Variants in UBE2H observed in about 807,000 individuals in gnomAD.
UBE2H encodes the protein ubiquitin conjugating enzyme E2 H, also known as ubiquitin-conjugating enzyme E2 H.
Under a neutral mutation model 29.0 loss-of-function variants are expected in UBE2H, and 3 were observed. That is an observed-to-expected ratio of 0.10 (90% CI 0.05 to 0.27). The LOEUF (loss-of-function observed/expected upper bound fraction) is 0.27. Among genes scored for constraint, UBE2H ranks in the 10% least tolerant of loss-of-function variants. The pLI, the probability that UBE2H is intolerant of heterozygous loss-of-function variation, is 1.00. For missense variants in UBE2H, 68 were observed against 228.2 expected (o/e 0.30, Z 4.52); for synonymous variants, 69 against 82.9 (o/e 0.83, Z 0.91).
chr7:129,928,923 C>T (rs186014072), intron 1 of UBE2H, among the ~76,000 whole-genome samples: 124 of 152,298 alleles, frequency 8.1e-4, no homozygotes, highest in African/African-American at 2.9e-3. Flanking sequence ...GCATTGAAAT[C>T]TAGTTTTCTT....
At position 129,952,776 on chromosome 7, in the gene UBE2H, G is replaced by A. The variant is rs1176113769; in HGVS notation, c.-221C>T. ...GACCCTGCGGCGCCCGGCTCGGGCT[G>A]CCCCTCTCCGGCTGTGGTTCCGCCG... On this transcript the variant is annotated 5_prime_UTR_variant, in exon 1 of 7. Coordinates refer to ENST00000355621, the MANE Select transcript of UBE2H (RefSeq NM_003344.4). 5.7e-6 allele frequency: 2 copies of A among 350,422 alleles called. No individual in the cohort carries two copies. The highest frequency in any genetic ancestry group is 1.0e-5 in the Non-Finnish European group (2 of 200,316). 21.7% of individuals were successfully genotyped at this position (350,422 alleles called of 1,614,324 possible).
chr7:129,870,514 T>C (rs1187782371), intron 3 of UBE2H, among the ~76,000 whole-genome samples: 2 of 152,116 alleles, frequency 1.3e-5, no homozygotes, highest in Non-Finnish European at 2.9e-5. Context: ...AGGTCCAAGC[T>C]GCAGTGAGCC....
intron 5 of UBE2H, among the ~76,000 whole-genome samples, chr7:129,854,060 G>GTTTTTTTT (rs56362841): frequency 1.0e-5 from 1 of 100,282 alleles, no homozygotes; most frequent in Non-Finnish European, 2.0e-5. Context: ...TTTAGTGTTA[G>GTTTTTTTT]TTTTTTTTTT....
At chr7:129,927,786 G>C (rs1807301144) in intron 1 of UBE2H, among the ~76,000 whole-genome samples, 1 of 152,100 alleles carries the variant, frequency 6.6e-6, no homozygotes, top group African/African-American at 2.4e-5. Context: ...AAATGGAGCA[G>C]AATAGTGGTT....
chr7:129,903,127 A>C (rs1375935236), intron 1 of UBE2H, among the ~76,000 whole-genome samples: 2 of 152,216 alleles, frequency 1.3e-5, no homozygotes, highest in African/African-American at 4.8e-5. Context: ...GGAGGAAAGA[A>C]GCCTTGCACC....
intron 1 of UBE2H, among the ~76,000 whole-genome samples, chr7:129,883,429 T>C (rs544948176): frequency 6.6e-6 from 1 of 152,328 alleles, no homozygotes; most frequent in East Asian, 1.9e-4. Flanking sequence ...AACCGATGTT[T>C]AAGAATGTTC....
At chr7:129,938,644 T>C (rs1176283899) in intron 1 of UBE2H, among the ~76,000 whole-genome samples, 1 of 150,042 alleles carries the variant, frequency 6.7e-6, no homozygotes, top group Non-Finnish European at 1.5e-5. Context: ...AGGCGGAGGT[T>C]GTGGTGAGTC....
intron 3 of UBE2H, among the ~76,000 whole-genome samples, chr7:129,873,264 C>A (rs1013351545): frequency 6.6e-6 from 1 of 151,958 alleles, no homozygotes; most frequent in Non-Finnish European, 1.5e-5. Flanking sequence ...CGTGATCCAC[C>A]CGCCTCAGCC....
chr7:129,896,828 T>A (rs990358007), intron 1 of UBE2H, among the ~76,000 whole-genome samples: 1 of 152,228 alleles, frequency 6.6e-6, no homozygotes, highest in African/African-American at 2.4e-5. Flanking sequence ...ACAGACCTTT[T>A]AATCAGGCAT....
At chr7:129,835,397 C>A (rs1426830891) in intron 6 of UBE2H, among the ~76,000 whole-genome samples, 1 of 152,126 alleles carries the variant, frequency 6.6e-6, no homozygotes, top group Non-Finnish European at 1.5e-5. Context: ...ACTTTCATCT[C>A]CCAGATAGTA....
chr7:129,937,914 T>A (rs62491540), intron 1 of UBE2H, among the ~76,000 whole-genome samples: 10,009 of 152,150 alleles, frequency 0.066, 542 homozygotes, highest in East Asian at 0.25. Flanking sequence ...CAAAGATGAG[T>A]GCTTTTATCC....
intron 3 of UBE2H, 77 bp from the exon 4 acceptor site, chr7:129,859,018 C>A: frequency 8.3e-7 from 1 of 1,210,368 alleles, no homozygotes; most frequent in Non-Finnish European, 1.2e-6. Context: ...GAAACAATTT[C>A]AGTATTGGGA....
At chr7:129,950,103 AAC>A (rs1423210432) in intron 1 of UBE2H, among the ~76,000 whole-genome samples, 5 of 152,212 alleles carry the variant, frequency 3.3e-5, no homozygotes, top group African/African-American at 1.2e-4. Flanking sequence ...CTGTGAATTC[AAC>A]AGAGAAAGGA....
intron 1 of UBE2H, among the ~76,000 whole-genome samples, chr7:129,924,599 G>A (rs1436460445): frequency 6.8e-6 from 1 of 147,068 alleles, no homozygotes; most frequent in African/African-American, 2.5e-5. Context: ...ACATATGGTT[G>A]TGAAGGCCTT....
Position 129,936,651 on chromosome 7 carries a change from T to G in UBE2H, c.53+15852A>C, listed in dbSNP as rs142583260. ...CATTAAGCAAATAAAAAGATACATA[T>G]GTCCATTAAGATAATCCAGTTCAGG... On this transcript the variant is annotated intron_variant, in intron 1 of 6. Coordinates refer to ENST00000355621, the MANE Select transcript of UBE2H (RefSeq NM_003344.4). 4.3e-4 allele frequency among the ~76,000 whole-genome samples: 64 copies of G among 150,264 alleles called. 1 individual carries two copies. Among genetic ancestry groups the G allele is most frequent in the African/African-American group, 1.5e-3 (63 of 40,918 alleles).
At chr7:129,899,957 G>A (rs567698637) in intron 1 of UBE2H, among the ~76,000 whole-genome samples, 9 of 151,850 alleles carry the variant, frequency 5.9e-5, no homozygotes, top group South Asian at 2.1e-4. Flanking sequence ...GCAAAACCCC[G>A]TCTCTCTACT....
intron 1 of UBE2H, among the ~76,000 whole-genome samples, chr7:129,883,268 A>C (rs1053045579): frequency 1.3e-5 from 2 of 152,194 alleles, no homozygotes; most frequent in African/African-American, 4.8e-5. Flanking sequence ...TTATTTTTTT[A>C]AAAATAGACA....
At chr7:129,926,905 T>C (rs1807281687) in intron 1 of UBE2H, among the ~76,000 whole-genome samples, 1 of 152,188 alleles carries the variant, frequency 6.6e-6, no homozygotes, top group African/African-American at 2.4e-5. Flanking sequence ...CTAGTACATA[T>C]GTACTTAACA....
At chr7:129,852,860 G>A (rs1408487865) in intron 5 of UBE2H, among the ~76,000 whole-genome samples, 3 of 152,072 alleles carry the variant, frequency 2.0e-5, no homozygotes, top group Non-Finnish European at 2.9e-5. Flanking sequence ...CGAGTAGCTG[G>A]AATTACAGGT....
Sources: gnomAD v4.1 joint callset for allele counts (sites outside exome capture counted in the v4.1 genomes callset) on GRCh38, gnomAD v4.1.1 for gene constraint, MANE v1.5 for transcripts, NCBI Gene and HGNC (gene_info 2026-07-23, HGNC 2026-07-21) for gene names.